ATP2B4: variants seen among roughly 807,000 people sequenced by gnomAD.
ATP2B4 encodes the protein plasma membrane calcium-transporting ATPase 4.
ATP2B4 carries 39 observed loss-of-function variants against 110.3 expected under a neutral mutation model. The observed-to-expected ratio is 0.35, with a 90% CI of 0.27 to 0.46. ATP2B4 has a LOEUF of 0.46. ATP2B4 is among the 20% of genes least tolerant of loss of function. The pLI is 1.00. For missense variants in ATP2B4, 1,135 were observed against 1,530.9 expected (o/e 0.74, Z 4.32); for synonymous variants, 538 against 571.7 (o/e 0.94, Z 0.84).
At position 203,678,427 on chromosome 1, in the gene ATP2B4, A is replaced by C. The variant is rs115328285; in HGVS notation, c.-464-4315A>C. ...TTTTTTTTTTTGAAGTCAGGGTCCC[A>C]CTTGGTTTGCCCAGGCTGAAACTAA... is the stretch of plus-strand genomic sequence containing the variant. On this transcript the variant is annotated intron_variant, in intron 1 of 20. Transcript: ENST00000357681. 7.0e-3 allele frequency among the ~76,000 whole-genome samples: 715 copies of C among 102,030 alleles called. 5 individuals are homozygous for C. The highest frequency in any genetic ancestry group is 0.026 in the African/African-American group (659 of 25,448). The allele number at this position is 102,030 out of a possible 152,430, so 66.9% of individuals were successfully genotyped here.
intron 1 of ATP2B4, among the ~76,000 whole-genome samples, chr1:203,658,096 CAT>C (rs1171412816): frequency 2.6e-5 from 4 of 152,136 alleles, no homozygotes; most frequent in Non-Finnish European, 5.9e-5. Flanking sequence ...ATTGTGTACA[CAT>C]AACTTTTATA....
At chr1:203,739,476 A>G in intron 20 of ATP2B4, 70 bp from the exon 21 acceptor site, 1 of 1,481,960 alleles carries the variant, frequency 6.7e-7, no homozygotes. Context: ...TAAATCCACC[A>G]TCTCCTTGTT....
chr1:203,700,364 C>A, intron 5 of ATP2B4, 33 bp downstream of exon 5: 1 of 1,595,354 alleles, frequency 6.3e-7, no homozygotes, highest in Non-Finnish European at 8.5e-7. Flanking sequence ...TTCCCATTTA[C>A]CTCCCTGCAA....
intron 19 of ATP2B4, among the ~76,000 whole-genome samples, chr1:203,724,865 C>CTCT (rs1214526316): frequency 0.1 from 10,524 of 100,812 alleles, 1,302 homozygotes; most frequent in South Asian, 0.15. Context: ...ATCCAGCTCT[C>CTCT]TGTTTTTTTT....
At chr1:203,690,730 A>T (rs1665342995) in intron 2 of ATP2B4, among the ~76,000 whole-genome samples, 1 of 152,152 alleles carries the variant, frequency 6.6e-6, no homozygotes. Flanking sequence ...TCTACTAAGG[A>T]TGGCAAATAA....
At chr1:203,665,062 G>A (rs1448800728) in intron 1 of ATP2B4, among the ~76,000 whole-genome samples, 2 of 152,036 alleles carry the variant, frequency 1.3e-5, no homozygotes, top group Non-Finnish European at 2.9e-5. Flanking sequence ...CTCGTGATCT[G>A]CCCACCTCAG....
At chr1:203,683,427 G>T in intron 2 of ATP2B4, 29 bp downstream of exon 2, 1 of 1,551,290 alleles carries the variant, frequency 6.4e-7, no homozygotes, top group Non-Finnish European at 8.7e-7. Context: ...GTGGGGAGTT[G>T]GAGGAAGGTG....
chr1:203,733,625 G>A (rs1666797760), intron 20 of ATP2B4: 1 of 460,518 alleles, frequency 2.2e-6, no homozygotes, highest in African/African-American at 2.0e-5. Flanking sequence ...CTGTTTTAAA[G>A]ACAATAATTC....
chr1:203,684,412 G>A (rs1006854693), intron 2 of ATP2B4, among the ~76,000 whole-genome samples: 1 of 148,512 alleles, frequency 6.7e-6, no homozygotes, highest in Non-Finnish European at 1.5e-5. Flanking sequence ...CTGGAGTGCA[G>A]TGGAATGATC....
At chr1:203,727,680 C>T (rs1666564626) in intron 20 of ATP2B4, 109 bp downstream of exon 20, 10 of 1,363,432 alleles carry the variant, frequency 7.3e-6, no homozygotes, top group Non-Finnish European at 9.1e-6. Context: ...CTTCCAAAGG[C>T]TCACTACTGA....
At chr1:203,713,340 C>T (rs933352165) in intron 14 of ATP2B4, 88 bp downstream of exon 14, 3 of 1,478,536 alleles carry the variant, frequency 2.0e-6, no homozygotes, top group Non-Finnish European at 2.8e-6. Context: ...AAGCCACTCT[C>T]CTGTCCAAAT....
chr1:203,654,440 C>G (rs1558017556), intron 1 of ATP2B4, among the ~76,000 whole-genome samples: 1 of 152,192 alleles, frequency 6.6e-6, no homozygotes, highest in Non-Finnish European at 1.5e-5. Flanking sequence ...TATTCTGCAG[C>G]TCATGGAACA....
chr1:203,681,829 T>C (rs1213235944), intron 1 of ATP2B4, among the ~76,000 whole-genome samples: 1 of 151,972 alleles, frequency 6.6e-6, no homozygotes, highest in Non-Finnish European at 1.5e-5. Context: ...CTATCCTCTA[T>C]CTGAATTGAG....
At chr1:203,709,237 C>T (rs1665934532) in intron 10 of ATP2B4, 64 bp from the exon 11 acceptor site, 1 of 1,595,010 alleles carries the variant, frequency 6.3e-7, no homozygotes, top group Non-Finnish European at 8.6e-7. Flanking sequence ...AGTTCTTTCT[C>T]CCTAAGTTCT....
chr1:203,632,498 C>T (rs1663300303), intron 1 of ATP2B4, among the ~76,000 whole-genome samples: 1 of 151,806 alleles, frequency 6.6e-6, no homozygotes, highest in South Asian at 2.1e-4. Context: ...CGCCTGCCAC[C>T]ACGCCCGGCT....
intron 1 of ATP2B4, among the ~76,000 whole-genome samples, chr1:203,651,295 A>G (rs1210749342): frequency 3.3e-5 from 5 of 152,134 alleles, no homozygotes; most frequent in African/African-American, 1.2e-4. Flanking sequence ...GATGCACAAA[A>G]TTGGATGAGT....
chr1:203,660,505 G>T (rs184338534), intron 1 of ATP2B4, among the ~76,000 whole-genome samples: 2 of 151,950 alleles, frequency 1.3e-5, no homozygotes, highest in African/African-American at 2.4e-5. Context: ...GAACGGAGGT[G>T]GGGGGTGGGG....
At chr1:203,661,605 G>T (rs533164557) in intron 1 of ATP2B4, among the ~76,000 whole-genome samples, 31 of 152,250 alleles carry the variant, frequency 2.0e-4, no homozygotes, top group Non-Finnish European at 3.8e-4. Context: ...AAGGTGATTT[G>T]TCTACCCTAT....
chr1:203,627,662 AAAAG>A lies in ATP2B4; in HGVS notation c.-465+445_-465+448del, dbSNP rs557621886. Among the ~76,000 whole-genome samples, 271 of 143,270 alleles carry A rather than the reference AAAAG, an allele frequency of 1.9e-3. 2 individuals are homozygous for A. The highest frequency in any genetic ancestry group is 6.7e-3 in the African/African-American group (253 of 37,878). 94.0% of individuals were successfully genotyped at this position (143,270 alleles called of 152,430 possible). On this transcript the variant is annotated intron_variant, in intron 1 of 20. Transcript: ENST00000357681. ...TGTCTGTTCCCTTTCTCGAAAGCCCAAAAGAGAGATGGAAAAAAAAAAAAAAAAG... is the reference window on the plus strand; with the variant it reads ...TGTCTGTTCCCTTTCTCGAAAGCCCAAGAGATGGAAAAAAAAAAAAAAAAG...
Sources: allele counts gnomAD v4.1 joint callset (sites outside exome capture counted in the v4.1 genomes callset), GRCh38; gene constraint gnomAD v4.1.1; transcripts MANE v1.5; gene names NCBI Gene and HGNC (gene_info 2026-07-23, HGNC 2026-07-21).